Variants in FANCA observed in about 807,000 individuals in gnomAD.
The protein encoded by FANCA is Fanconi anemia group A protein.
Under a neutral mutation model 194.3 loss-of-function variants are expected in FANCA, and 236 were observed. The ratio of observed to expected loss-of-function variants is 1.21; its 90% CI spans 1.09 to 1.35. FANCA has a LOEUF of 1.35. Among genes scored for constraint, FANCA ranks in the 40% most tolerant of loss-of-function variants. The pLI is 0.00. For missense variants in FANCA, 2,628 were observed against 1,813.9 expected (o/e 1.45, Z -8.15); for synonymous variants, 1,014 against 715.8 (o/e 1.42, Z -6.65).
chr16:89,764,214 G>A (rs1253653967), intron 28 of FANCA, among the ~76,000 whole-genome samples: 7 of 152,228 alleles, frequency 4.6e-5, no homozygotes, highest in African/African-American at 1.4e-4. Flanking sequence ...TGAGCACAGC[G>A]AGACGTTGTC....
Position 89,808,533 on chromosome 16 carries a change from T to C in FANCA, c.523-166A>G, listed in dbSNP as rs35734641. 5.2e-3 allele frequency among the ~76,000 whole-genome samples: 785 copies of C among 152,354 alleles called. 6 individuals are homozygous for C. Among genetic ancestry groups the C allele is most frequent in the African/African-American group, 0.018 (762 of 41,574 alleles). ...CTTAGAGCCTGAAACACATCTTTTT[T>C]TACAAAGCTGTACTGGTTTTCAAAC... On this transcript the variant is annotated intron_variant, in intron 5 of 42. Transcript: ENST00000389301.
intron 14 of FANCA, among the ~76,000 whole-genome samples, chr16:89,786,489 G>C (rs2039902677): frequency 6.6e-6 from 1 of 151,990 alleles, no homozygotes; most frequent in South Asian, 2.1e-4. Context: ...GCTAATTTTT[G>C]TCTTTTTAGT....
chr16:89,805,198 C>G, intron 7 of FANCA, 82 bp downstream of exon 7: 1 of 1,077,294 alleles, frequency 9.3e-7, no homozygotes, highest in Non-Finnish European at 1.4e-6. Flanking sequence ...TGTTCTGCCT[C>G]GCAGAGCTCT....
chr16:89,786,452 C>G (rs926955041), intron 14 of FANCA, among the ~76,000 whole-genome samples: 5 of 152,160 alleles, frequency 3.3e-5, no homozygotes, highest in African/African-American at 1.2e-4. Flanking sequence ...GCTGGGATTA[C>G]AGACATGAGC....
At chr16:89,801,842 C>A (rs531938103) in intron 8 of FANCA, among the ~76,000 whole-genome samples, 2 of 151,752 alleles carry the variant, frequency 1.3e-5, no homozygotes, top group African/African-American at 4.8e-5. Flanking sequence ...GAGCCGAAAT[C>A]GCGCCACTGC....
intron 10 of FANCA, 99 bp downstream of exon 10, chr16:89,799,067 G>C (rs774565502): frequency 1.9e-6 from 3 of 1,614,200 alleles, no homozygotes; most frequent in Non-Finnish European, 2.5e-6. Flanking sequence ...CTCAGGAGCG[G>C]GCTGCTGAAG....
In FANCA at chr16:89,811,116, C is replaced by T; in HGVS notation, c.284-45G>A. The T allele has an allele frequency of 1.9e-6, 3 of 1,612,622 alleles. No individual in the cohort carries two copies. In the South Asian group the frequency reaches 3.3e-5, roughly 18 times the overall value. ...CATAGCTTTCTCTTAACACATGAGACAAAATCTAAAACCAAAGACTTGCTG... is the reference window on the plus strand; with the variant it reads ...CATAGCTTTCTCTTAACACATGAGATAAAATCTAAAACCAAAGACTTGCTG... On this transcript the variant is annotated intron_variant, in intron 3 of 42. Transcript: ENST00000389301.
intron 31 of FANCA, among the ~76,000 whole-genome samples, chr16:89,751,049 G>C (rs937281919): frequency 5.9e-5 from 9 of 152,092 alleles, no homozygotes; most frequent in African/African-American, 2.2e-4. Flanking sequence ...ACACCACCAT[G>C]CTTGACTAGT....
chr16:89,798,520 T>C, intron 10 of FANCA: 1 of 1,101,788 alleles, frequency 9.1e-7, no homozygotes, highest in Admixed American at 4.5e-5. Context: ...ATTCTACTGG[T>C]TTCTCAAGAC....
chr16:89,793,555 G>A (rs527782148), intron 11 of FANCA, among the ~76,000 whole-genome samples: 3 of 152,072 alleles, frequency 2.0e-5, no homozygotes, highest in South Asian at 2.1e-4. Context: ...AGAACAGCTC[G>A]TGTCCTCGGT....
intron 3 of FANCA, among the ~76,000 whole-genome samples, chr16:89,812,687 G>C (rs574708552): frequency 1.9e-4 from 25 of 133,302 alleles, no homozygotes; most frequent in African/African-American, 6.5e-4. Context: ...ACTGCAGTAC[G>C]AACCTGTTAT....
rs779480428 is a variant in FANCA at position 89,762,014 on chromosome 16, GT to G, written c.2786del (p.Tyr929SerfsTer60). ...CCAGCTCCAGGTGTAACCAGTCTTG[GT>G]AAGTTAACTGAGAAAGAGAGCAAGC... ...VLKEEDVHLT[Y>X]QDWLHLELEI... On this transcript the variant is annotated frameshift_variant, in exon 29 of 43. Coordinates refer to ENST00000389301, the MANE Select transcript of FANCA (RefSeq NM_000135.4). LOFTEE classifies it high-confidence loss of function. 3 of 1,613,460 alleles carry G rather than the reference GT, an allele frequency of 1.9e-6. No homozygotes were observed. The highest frequency in any genetic ancestry group is 2.5e-6 in the Non-Finnish European group (3 of 1,179,428).
intron 39 of FANCA, 175 bp downstream of exon 39, chr16:89,739,819 C>A: frequency 6.8e-7 from 1 of 1,467,922 alleles, no homozygotes; most frequent in Non-Finnish European, 9.0e-7. Flanking sequence ...GACCAGTGAG[C>A]CAGTAAATTA....
At position 89,746,650 on chromosome 16, in the gene FANCA, G is replaced by A. The variant is rs2038400334; in HGVS notation, c.3447C>T (p.Ser1149=). The A allele has an allele frequency of 1.2e-6, 2 of 1,614,070 alleles. No homozygotes were observed. Among genetic ancestry groups the A allele is most frequent in the African/African-American group, 1.3e-5 (1 of 74,952 alleles). Residue 1149 remains serine (S), a synonymous_variant, in exon 35 of 43, where the codon TCC becomes TCT. Coordinates refer to ENST00000389301, the MANE Select transcript of FANCA (RefSeq NM_000135.4). ...TGGCCAGTATGAAGTCGACCATCAG[G>A]GAGGGGTCTCTGCTCCGCAGACAGG... ...LNACLRSRDP[S]LMVDFILAKC...
chr16:89,756,885 G>A (rs1394589604), intron 30 of FANCA, among the ~76,000 whole-genome samples: 2 of 152,212 alleles, frequency 1.3e-5, no homozygotes, highest in African/African-American at 4.8e-5. Context: ...CCCCCAGGCA[G>A]GGCTTCTATA....
In FANCA at chr16:89,749,843, A is replaced by G. The variant is rs2038519967; in HGVS notation, c.3126T>C (p.Pro1042=). The G allele has an allele frequency of 6.2e-7, 1 of 1,614,202 alleles. No homozygotes were observed. Among genetic ancestry groups the G allele is most frequent in the East Asian group, 2.2e-5 (1 of 44,882 alleles). ...QDLIVPLGHT[P]SQEHFLFEIF... ...TCTCAAAGAGGAAGTGCTCCTGGGAAGGGGTGTGGCCGAGAGGCACTATGA... is the reference window on the plus strand; with the variant it reads ...TCTCAAAGAGGAAGTGCTCCTGGGAGGGGGTGTGGCCGAGAGGCACTATGA... Residue 1042 remains proline (P), a synonymous_variant, in exon 32 of 43, where the codon CCT becomes CCC. Transcript: ENST00000389301.
rs1272324196 is a variant in FANCA, at chr16:89,740,107, C to G, written c.3829-8G>C. ...TGGCAGGTCTGTGGTGCTCTGTAAA[C>G]CGCAGGAGACCAACCCTGAGAATGG... is the stretch of plus-strand genomic sequence containing the variant. On this transcript the variant is annotated splice_polypyrimidine_tract_variant and splice_region_variant and intron_variant, in intron 38 of 42. Coordinates refer to ENST00000389301, the MANE Select transcript of FANCA (RefSeq NM_000135.4). 2 of 1,612,832 alleles carry G rather than the reference C, an allele frequency of 1.2e-6. No homozygotes were observed. The highest frequency in any genetic ancestry group is 1.1e-5 in the South Asian group (1 of 91,046).
In FANCA at chr16:89,808,146, C is replaced by A. The variant is rs2040735200; in HGVS notation, c.596+148G>T. 4 of 761,782 alleles carry A rather than the reference C, an allele frequency of 5.3e-6. No individual in the cohort carries two copies. In the Admixed American group the frequency reaches 7.9e-5, roughly 15 times the overall value. The allele number at this position is 761,782 out of a possible 1,614,324, so 47.2% of individuals were successfully genotyped here. The stretch of plus-strand genomic sequence containing the variant: ...AAGCAATAGTTCCTCCAGGTCTAGT[C>A]TAGTATAAATATGCAATGCAATCTA... On this transcript the variant is annotated intron_variant, in intron 6 of 42. Coordinates refer to ENST00000389301, the MANE Select transcript of FANCA (RefSeq NM_000135.4).
chr16:89,798,519 G>A (rs186269745), intron 10 of FANCA: 1 of 1,105,018 alleles, frequency 9.0e-7, no homozygotes, highest in African/African-American at 1.6e-5. Context: ...AATTCTACTG[G>A]TTTCTCAAGA....
Sources: allele counts gnomAD v4.1 joint callset (sites outside exome capture counted in the v4.1 genomes callset), GRCh38; gene constraint gnomAD v4.1.1; transcripts MANE v1.5; gene names NCBI Gene and HGNC (gene_info 2026-07-23, HGNC 2026-07-21).